SGMS1: variants seen among roughly 807,000 people sequenced by gnomAD.
The protein encoded by SGMS1 is phosphatidylcholine:ceramide cholinephosphotransferase 1.
Under a neutral mutation model 46.2 loss-of-function variants are expected in SGMS1, and 13 were observed. The ratio of observed to expected loss-of-function variants is 0.28; its 90% CI spans 0.18 to 0.45. SGMS1 has a LOEUF of 0.45. Ranked by LOEUF, SGMS1 falls within the 20% of genes least tolerant of loss-of-function variation. SGMS1 has a pLI of 1.00. For synonymous variants in SGMS1, 203 were observed against 187.8 expected, an observed-to-expected ratio of 1.08 and a Z score of -0.66; for missense variants, 324 against 519.9, an observed-to-expected ratio of 0.62 and a Z score of 3.66.
At chr10:50,583,588 T>G (rs2131880339) in intron 2 of SGMS1, among the ~76,000 whole-genome samples, 1 of 152,352 alleles carries the variant, frequency 6.6e-6, no homozygotes, top group East Asian at 1.9e-4. Flanking sequence ...CTGAAGCTGC[T>G]AGAAGTCTCC....
At chr10:50,550,970 G>C (rs376280154) in intron 2 of SGMS1, among the ~76,000 whole-genome samples, 1 of 152,150 alleles carries the variant, frequency 6.6e-6, no homozygotes, top group South Asian at 2.1e-4. Context: ...AAATGGGAGC[G>C]AATATGCAAA....
At chr10:50,409,455 A>G (rs1036503433) in intron 6 of SGMS1, among the ~76,000 whole-genome samples, 6 of 152,136 alleles carry the variant, frequency 3.9e-5, no homozygotes, top group African/African-American at 1.4e-4. Context: ...GGATTCCTCT[A>G]CAGTCTTCCC....
intron 6 of SGMS1, among the ~76,000 whole-genome samples, chr10:50,423,907 A>G (rs899384078): frequency 2.0e-5 from 3 of 152,236 alleles, no homozygotes; most frequent in African/African-American, 4.8e-5. Flanking sequence ...AATTTAATCC[A>G]TTTACCGAGT....
intron 9 of SGMS1, among the ~76,000 whole-genome samples, chr10:50,309,267 C>T: frequency 6.6e-6 from 1 of 152,120 alleles, no homozygotes; most frequent in East Asian, 1.9e-4. Flanking sequence ...AAACAAGAAA[C>T]AGCTACCATT....
intron 6 of SGMS1, among the ~76,000 whole-genome samples, chr10:50,385,402 A>G (rs193006283): frequency 1.3e-5 from 2 of 152,334 alleles, no homozygotes; most frequent in East Asian, 3.9e-4. Context: ...AGTTTCTGCC[A>G]TGTGATCATG....
At chr10:50,459,595 G>C (rs1195965855) in intron 5 of SGMS1, among the ~76,000 whole-genome samples, 2 of 152,180 alleles carry the variant, frequency 1.3e-5, no homozygotes, top group Non-Finnish European at 2.9e-5. Flanking sequence ...GTAGAGAGGG[G>C]GTTTCACCAT....
At chr10:50,408,481 C>T (rs1166222321) in intron 6 of SGMS1, among the ~76,000 whole-genome samples, 4 of 147,500 alleles carry the variant, frequency 2.7e-5, no homozygotes, top group Non-Finnish European at 4.5e-5. Context: ...TTTTAATTAG[C>T]GAGGCTCCTG....
At chr10:50,380,578 C>T (rs1160210699) in intron 6 of SGMS1, among the ~76,000 whole-genome samples, 3 of 152,036 alleles carry the variant, frequency 2.0e-5, no homozygotes, top group Admixed American at 2.0e-4. Context: ...AGAATCAGTA[C>T]AGAAACGTCC....
intron 2 of SGMS1, among the ~76,000 whole-genome samples, chr10:50,571,599 C>T (rs939309865): frequency 6.6e-6 from 1 of 152,010 alleles, no homozygotes; most frequent in Non-Finnish European, 1.5e-5. Flanking sequence ...ATGATAATAA[C>T]ATCTGCTGTG....
chr10:50,371,353 T>C (rs1436072706), intron 6 of SGMS1, among the ~76,000 whole-genome samples: 1 of 152,178 alleles, frequency 6.6e-6, no homozygotes, highest in Non-Finnish European at 1.5e-5. Context: ...GCTTCCTCAA[T>C]ACTGCTCCCG....
chr10:50,392,767 C>T (rs190882270), intron 6 of SGMS1, among the ~76,000 whole-genome samples: 20 of 152,258 alleles, frequency 1.3e-4, no homozygotes, highest in African/African-American at 4.8e-4. Context: ...TCTTAAAATA[C>T]TGCCCCTCTT....
At chr10:50,490,681 C>T (rs761364499) in intron 3 of SGMS1, among the ~76,000 whole-genome samples, 11 of 152,124 alleles carry the variant, frequency 7.2e-5, no homozygotes, top group African/African-American at 2.4e-4. Flanking sequence ...GGTGTGGGTT[C>T]GGAGCAAATC....
intron 1 of SGMS1, among the ~76,000 whole-genome samples, chr10:50,608,807 G>T (rs1318487993): frequency 3.3e-5 from 5 of 152,004 alleles, no homozygotes; most frequent in Non-Finnish European, 7.4e-5. Flanking sequence ...TCAGGAGATT[G>T]GTTCCAGGAC....
chr10:50,514,654 T>C (rs988364033), intron 3 of SGMS1, among the ~76,000 whole-genome samples: 6 of 152,220 alleles, frequency 3.9e-5, no homozygotes, highest in African/African-American at 1.4e-4. Flanking sequence ...ATGCTAGATA[T>C]CATAAACAAA....
intron 6 of SGMS1, among the ~76,000 whole-genome samples, chr10:50,384,383 TTTTC>T (rs955592368): frequency 1.7e-4 from 26 of 149,986 alleles, no homozygotes; most frequent in South Asian, 1.3e-3. Flanking sequence ...CTCTCTTTCT[TTTTC>T]TCTCTCTCTC....
At chr10:50,311,219 A>G in intron 9 of SGMS1, 43 bp downstream of exon 9, 1 of 1,593,056 alleles carries the variant, frequency 6.3e-7, no homozygotes, top group Non-Finnish European at 8.6e-7. Flanking sequence ...GTTCATGAGA[A>G]ATGGCAGGTG....
intron 3 of SGMS1, among the ~76,000 whole-genome samples, chr10:50,518,790 A>G (rs1426662107): frequency 6.6e-6 from 1 of 152,230 alleles, no homozygotes; most frequent in African/African-American, 2.4e-5. Flanking sequence ...CAAAGAAGAA[A>G]CAAGTTTCAT....
In SGMS1 at chr10:50,423,192, A is replaced by T. The variant is rs569496644; in HGVS notation, c.-232+10284T>A. Among the ~76,000 whole-genome samples, 6 of 152,252 alleles carry T rather than the reference A, an allele frequency of 3.9e-5. No individual in the cohort carries two copies. The East Asian group carries it at 7.7e-4, about 20-fold the overall frequency. Reference sequence around the variant, plus strand: ...GGGAAAGCCACAGGGGCAGCTGGGCACTAGGATCAGCTCAACACGAATTGC... The same window carrying T: ...GGGAAAGCCACAGGGGCAGCTGGGCTCTAGGATCAGCTCAACACGAATTGC... On this transcript the variant is annotated intron_variant, in intron 6 of 10. Coordinates refer to ENST00000361781, the MANE Select transcript of SGMS1 (RefSeq NM_147156.4).
intron 3 of SGMS1, among the ~76,000 whole-genome samples, chr10:50,498,107 G>T (rs900983934): frequency 1.3e-5 from 2 of 152,190 alleles, no homozygotes; most frequent in Non-Finnish European, 2.9e-5. Context: ...CTTCAAGCAA[G>T]TTGGGAGTTA....
Sources: gnomAD v4.1 joint callset for allele counts (sites outside exome capture counted in the v4.1 genomes callset) on GRCh38, gnomAD v4.1.1 for gene constraint, MANE v1.5 for transcripts, NCBI Gene and HGNC (gene_info 2026-07-23, HGNC 2026-07-21) for gene names.